The following PYROXD2 variants were observed in gnomAD, a reference collection of about 807,000 sequenced individuals.
PYROXD2 encodes pyridine nucleotide-disulphide oxidoreductase domain 2.
A neutral mutation model predicts 71.1 loss-of-function variants in PYROXD2; 69 were observed. The observed-to-expected ratio is 0.97, with a 90% CI of 0.80 to 1.19. PYROXD2 has a LOEUF of 1.19. Ranked by LOEUF, PYROXD2 falls within the 50% of genes most tolerant of loss-of-function variation. PYROXD2 has a pLI of 0.00. For missense variants in PYROXD2, 745 were observed against 748.9 expected, an observed-to-expected ratio of 0.99 and a Z score of 0.06; for synonymous variants, 287 against 302.7, an observed-to-expected ratio of 0.95 and a Z score of 0.54.
intron 1 of PYROXD2, chr10:98,411,994 A>AGTCT (rs1187724787): frequency 6.6e-6 from 1 of 152,246 alleles, no homozygotes; most frequent in African/African-American, 2.4e-5. Context: ...AACTAAAGGC[A>AGTCT]GACAGTCCTG....
chr10:98,406,630 C>T (rs1014129921), intron 4 of PYROXD2, among the ~76,000 whole-genome samples: 4 of 152,110 alleles, frequency 2.6e-5, no homozygotes, highest in South Asian at 4.1e-4. Flanking sequence ...CGGTGGCTCA[C>T]GCCTGTTAAT....
intron 12 of PYROXD2, 134 bp downstream of exon 12, chr10:98,390,464 T>C (rs1039253230): frequency 2.9e-6 from 3 of 1,046,244 alleles, no homozygotes; most frequent in Non-Finnish European, 4.0e-6. Context: ...CTTAGGAGTA[T>C]GGATTTTGGC....
intron 2 of PYROXD2, chr10:98,410,490 A>C: frequency 5.9e-6 from 1 of 169,874 alleles, no homozygotes; most frequent in Non-Finnish European, 1.3e-5. Context: ...GCAGCTATGT[A>C]CTCCAAGGTG....
At chr10:98,387,658 A>G (rs1842802057) in intron 13 of PYROXD2, among the ~76,000 whole-genome samples, 1 of 115,122 alleles carries the variant, frequency 8.7e-6, no homozygotes, top group African/African-American at 3.4e-5. Context: ...TTTGAGACGG[A>G]GTCTCACTCT....
intron 14 of PYROXD2, 134 bp downstream of exon 14, chr10:98,387,067 G>A: frequency 1.6e-6 from 1 of 625,506 alleles, no homozygotes; most frequent in Non-Finnish European, 2.7e-6. Context: ...CTCTCAGCCG[G>A]GGTCCCTGCC....
rs1340353862 is a variant in PYROXD2, at chr10:98,388,453, C to T, written c.1348G>A (p.Gly450Ser). The change falls in exon 13 of 16, where the codon GGC becomes AGC. Residue 450 changes from glycine (G) to serine (S), a missense_variant. Physicochemically the swap from Gly to Ser is moderately conservative, Grantham distance 56. Transcript: ENST00000370575. ...GTGAAGAGGGAGACTACATGGCAGC[C>T]AGGGGGAGCCAGGGTGGGGTCCAGC... is the stretch of plus-strand genomic sequence containing the variant. ...SSLDPTLAPP[G>S]CHVVSLFTQY... 6.2e-7 allele frequency: 1 copy of T among 1,612,730 alleles called. No individual in the cohort carries two copies. The highest frequency in any genetic ancestry group is 2.2e-5 in the East Asian group (1 of 44,842).
At chr10:98,394,834 A>G (rs1194934444) in intron 8 of PYROXD2, among the ~76,000 whole-genome samples, 2 of 151,926 alleles carry the variant, frequency 1.3e-5, no homozygotes, top group Non-Finnish European at 2.9e-5. Flanking sequence ...GAGGAGAGAA[A>G]AGAAGATATT....
intron 4 of PYROXD2, among the ~76,000 whole-genome samples, chr10:98,402,338 G>GT (rs1409807057): frequency 6.6e-6 from 1 of 152,176 alleles, no homozygotes; most frequent in African/African-American, 2.4e-5. Flanking sequence ...GCACCGGTCT[G>GT]TAACTGCCCC....
chr10:98,397,645 C>T (rs921174145), intron 5 of PYROXD2, 147 bp from the exon 6 acceptor site: 2 of 994,172 alleles, frequency 2.0e-6, no homozygotes, highest in Non-Finnish European at 2.8e-6. Flanking sequence ...TGAGCTCCCC[C>T]AGTTCCAGGT....
intron 5 of PYROXD2, 31 bp downstream of exon 5, chr10:98,400,071 C>T (rs61873896): frequency 1.9e-6 from 3 of 1,606,118 alleles, no homozygotes; most frequent in African/African-American, 2.7e-5. Context: ...GCTGAGGGAG[C>T]AGGAGCTCAG....
intron 12 of PYROXD2, among the ~76,000 whole-genome samples, chr10:98,388,729 A>G (rs758430360): frequency 1.3e-5 from 2 of 151,912 alleles, no homozygotes; most frequent in Non-Finnish European, 2.9e-5. Context: ...CCCCGAATGC[A>G]TGGCCTGTCC....
At position 98,415,103 on chromosome 10, in the gene PYROXD2, A is replaced by G. The variant is rs2136063113; in HGVS notation, c.33T>C (p.Ala11=). The change falls in exon 1 of 16, where the codon GCT becomes GCC. Residue 11 remains alanine, a synonymous_variant. Coordinates refer to ENST00000370575, the MANE Select transcript of PYROXD2 (RefSeq NM_032709.3). The stretch of plus-strand genomic sequence containing the variant: ...ACGCCGGGAAGGGAGAGGCGGCCAC[A>G]GCCTTGCAGAGACCTCGGCCACTTG... MAASGRGLCK[A]VAASPFPAWR... 6.2e-7 allele frequency: 1 copy of G among 1,613,784 alleles called. No individual in the cohort carries two copies. The highest frequency in any genetic ancestry group is 1.3e-5 in the African/African-American group (1 of 75,058).
intron 4 of PYROXD2, among the ~76,000 whole-genome samples, chr10:98,404,655 T>C (rs1158885683): frequency 6.6e-6 from 1 of 152,142 alleles, no homozygotes; most frequent in Admixed American, 6.5e-5. Flanking sequence ...GTGGAAATTG[T>C]TGGAAAGGGT....
At chr10:98,412,851 G>A (rs2136044085) in intron 1 of PYROXD2, among the ~76,000 whole-genome samples, 1 of 152,322 alleles carries the variant, frequency 6.6e-6, no homozygotes, top group Non-Finnish European at 1.5e-5. Context: ...GGAGACAGCA[G>A]GGTGAGCTGT....
At chr10:98,397,254 G>A in intron 6 of PYROXD2, 91 bp downstream of exon 6, 2 of 1,452,968 alleles carry the variant, frequency 1.4e-6, no homozygotes, top group Non-Finnish European at 9.1e-7. Flanking sequence ...AGGCTGCCAT[G>A]GAGGTTCAGG....
At position 98,388,514 on chromosome 10, in the gene PYROXD2, C is replaced by A. The variant is rs749186382; in HGVS notation, c.1293-6G>T. ...TGCAGAGCTCAATCACAGGCCTGTG[C>A]GGGCAGGGAGGAGACGGCAGGTCTA... is the stretch of plus-strand genomic sequence containing the variant. On this transcript the variant is annotated splice_region_variant and splice_polypyrimidine_tract_variant and intron_variant, in intron 12 of 15. Transcript: ENST00000370575. 8 of 1,584,582 alleles carry A rather than the reference C, an allele frequency of 5.0e-6. No individual in the cohort carries two copies. Among genetic ancestry groups the A allele is most frequent in the East Asian group, 2.3e-5 (1 of 44,068 alleles).
chr10:98,405,986 G>T (rs772280086), intron 4 of PYROXD2, among the ~76,000 whole-genome samples: 1 of 152,162 alleles, frequency 6.6e-6, no homozygotes, highest in Non-Finnish European at 1.5e-5. Flanking sequence ...TAAAATAAAC[G>T]CTCTCCATTA....
rs373556641 is a variant in PYROXD2 at position 98,414,971 on chromosome 10, G to T, written c.127+38C>A. The T allele has an allele frequency of 5.1e-5, 81 of 1,585,746 alleles. No individual in the cohort carries two copies. The African/African-American group carries it at 1.0e-3, about 20-fold the overall frequency. Reference sequence around the variant, plus strand: ...AAGCTCTGAGCAGGGCTGTCTTCCCGCCCCTCAGCTCTGGCCCGGCCTGCT... The same window carrying T: ...AAGCTCTGAGCAGGGCTGTCTTCCCTCCCCTCAGCTCTGGCCCGGCCTGCT... On this transcript the variant is annotated intron_variant, in intron 1 of 15. Transcript: ENST00000370575.
intron 2 of PYROXD2, among the ~76,000 whole-genome samples, chr10:98,409,787 A>G (rs569375965): frequency 1.0e-3 from 156 of 152,330 alleles, no homozygotes; most frequent in African/African-American, 3.6e-3. Context: ...TTATATTAAT[A>G]TAAAATCAGG....
Sources: allele counts gnomAD v4.1 joint callset (sites outside exome capture counted in the v4.1 genomes callset), GRCh38; gene constraint gnomAD v4.1.1; transcripts MANE v1.5; gene names NCBI Gene and HGNC (gene_info 2026-07-23, HGNC 2026-07-21).